The following COL4A2 variants were observed in gnomAD, a reference collection of about 807,000 sequenced individuals.
COL4A2 encodes collagen alpha-2(IV) chain.
A neutral mutation model predicts 200.2 loss-of-function variants in COL4A2; 99 were observed. The ratio of observed to expected loss-of-function variants is 0.49; its 90% CI spans 0.42 to 0.58. The LOEUF is 0.58. Among genes scored for constraint, COL4A2 ranks in the 20% least tolerant of loss-of-function variants. COL4A2 has a pLI of 0.00. For missense variants in COL4A2, 1,950 were observed against 2,314.1 expected (o/e 0.84, Z 3.23); for synonymous variants, 897 against 900.6 (o/e 1.00, Z 0.07).
chr13:110,448,034 G>A (rs1881395898), intron 18 of COL4A2, among the ~76,000 whole-genome samples: 1 of 152,172 alleles, frequency 6.6e-6, no homozygotes, highest in Non-Finnish European at 1.5e-5. Context: ...GTGGAGCCGT[G>A]AATGGGGATA....
chr13:110,457,519 A>G (rs755659963), intron 21 of COL4A2, 84 bp downstream of exon 21: 17 of 810,832 alleles, frequency 2.1e-5, no homozygotes, highest in African/African-American at 3.4e-5. Flanking sequence ...TCCATCCCCC[A>G]CTCACGTGTT....
At chr13:110,326,477 C>CA (rs148910562) in intron 3 of COL4A2, among the ~76,000 whole-genome samples, 2,660 of 152,242 alleles carry the variant, frequency 0.017, 36 homozygotes, top group Non-Finnish European at 0.025. Flanking sequence ...AAGTACTGCC[C>CA]AAAGTGTTTC....
rs367551920 is a variant in COL4A2, at chr13:110,457,414, C to T, written c.1411C>T (p.Arg471Cys). ...TGGGCTTCCCGGCTCCCCTGGAGCC[C>T]GCGGACCAAAGGGGTGGAAAGGTAA... ...FPGLPGSPGARGPKGWKGDAG... is the reference protein window; with the variant it reads ...FPGLPGSPGACGPKGWKGDAG... Residue 471 changes from arginine (R) to cysteine (C), a missense_variant, in exon 21 of 48, where the codon CGC becomes TGC. By Grantham distance (180) the Arg-to-Cys change is radical. Around this residue, in one of 2 missense-constraint regions of COL4A2, gnomAD observed 1,385 missense variants for 1,720.5 expected, o/e 0.80. Transcript: ENST00000360467. The T allele has an allele frequency of 6.2e-6, 10 of 1,608,378 alleles. No individual in the cohort carries two copies. Among genetic ancestry groups the T allele is most frequent in the South Asian group, 3.3e-5 (3 of 90,972 alleles).
chr13:110,499,000 G>C (rs148791153), intron 40 of COL4A2, among the ~76,000 whole-genome samples: 34 of 152,344 alleles, frequency 2.2e-4, no homozygotes, highest in Middle Eastern at 3.4e-3. Flanking sequence ...TGGAGGCCAG[G>C]GCAGACACTG....
chr13:110,468,359 A>G (rs1242542609), intron 27 of COL4A2: 3 of 470,586 alleles, frequency 6.4e-6, no homozygotes, highest in Non-Finnish European at 4.4e-6. Flanking sequence ...TCACTCATAC[A>G]GCAACCCCCA....
chr13:110,486,014 G>A (rs929524616), intron 34 of COL4A2, among the ~76,000 whole-genome samples, 178 bp downstream of exon 34: 1 of 152,234 alleles, frequency 6.6e-6, no homozygotes, highest in African/African-American at 2.4e-5. Flanking sequence ...TGGACACCAT[G>A]CAGATGTGAT....
chr13:110,432,021 G>A (rs1340858394), intron 10 of COL4A2, among the ~76,000 whole-genome samples: 2 of 152,142 alleles, frequency 1.3e-5, no homozygotes, highest in Admixed American at 6.5e-5. Context: ...ACAGGGCCTG[G>A]GACCTTGCAA....
chr13:110,310,741 C>T (rs982589534), intron 3 of COL4A2, among the ~76,000 whole-genome samples: 3 of 152,124 alleles, frequency 2.0e-5, no homozygotes, highest in Admixed American at 6.5e-5. Context: ...TGTTTTGTTT[C>T]GGAAGCAGCT....
intron 3 of COL4A2, among the ~76,000 whole-genome samples, chr13:110,327,431 C>T (rs760533426): frequency 2.6e-5 from 4 of 152,350 alleles, no homozygotes; most frequent in Middle Eastern, 3.4e-3. Context: ...GTGATATCAC[C>T]TCCACCACCC....
At chr13:110,504,954 C>T (rs947966991) in intron 45 of COL4A2, among the ~76,000 whole-genome samples, 1 of 151,402 alleles carries the variant, frequency 6.6e-6, no homozygotes, top group South Asian at 2.1e-4. Flanking sequence ...TGAAATAGGC[C>T]AGGAATAACA....
chr13:110,485,635 A>G lies in COL4A2; in HGVS notation c.3026-20A>G. ...TGCTGCGTCCTCACCAGAGTGTTAC[A>G]CACCAGGGTCTTCCTGCAGGTATCC... On this transcript the variant is annotated intron_variant, in intron 33 of 47. Coordinates refer to ENST00000360467, the MANE Select transcript of COL4A2 (RefSeq NM_001846.4). 1.3e-6 allele frequency: 2 copies of G among 1,577,924 alleles called. No individual in the cohort carries two copies. The highest frequency in any genetic ancestry group is 1.7e-6 in the Non-Finnish European group (2 of 1,164,058).
intron 3 of COL4A2, among the ~76,000 whole-genome samples, chr13:110,351,054 A>C (rs534868528): frequency 1.3e-5 from 2 of 149,904 alleles, no homozygotes; most frequent in African/African-American, 4.9e-5. Flanking sequence ...CTTTATTTTT[A>C]TTTTTTCTTT....
intron 4 of COL4A2, among the ~76,000 whole-genome samples, chr13:110,397,771 C>G (rs1236006256): frequency 6.6e-6 from 1 of 152,184 alleles, no homozygotes; most frequent in Non-Finnish European, 1.5e-5. Flanking sequence ...GAGAAAGAAT[C>G]AGCTCTGTGT....
chr13:110,391,065 C>T (rs1878967550), intron 4 of COL4A2, among the ~76,000 whole-genome samples: 1 of 152,104 alleles, frequency 6.6e-6, no homozygotes, highest in African/African-American at 2.4e-5. Context: ...TACGATACTC[C>T]CTCATTCATG....
rs1422754167 is a variant in COL4A2, at chr13:110,510,671, ATG to A, written c.4882-1256_4882-1255del. ...TTGTGTGTGTGCATGAGTGTACACC[ATG>A]TGTGTGCATGTGTGCATGTATGCAT... On this transcript the variant is annotated intron_variant, in intron 47 of 47. Transcript: ENST00000360467. Among the ~76,000 whole-genome samples the A allele has an allele frequency of 2.6e-5, 4 of 152,256 alleles. No homozygotes were observed. In the South Asian group the frequency reaches 6.2e-4, roughly 24 times the overall value.
chr13:110,367,174 C>T (rs1013980841), intron 4 of COL4A2, among the ~76,000 whole-genome samples: 1 of 152,296 alleles, frequency 6.6e-6, no homozygotes, highest in East Asian at 1.9e-4. Flanking sequence ...GTGAAAAATC[C>T]CCACCGTAGG....
At chr13:110,493,707 C>G (rs1307010395) in intron 39 of COL4A2, among the ~76,000 whole-genome samples, 1 of 152,176 alleles carries the variant, frequency 6.6e-6, no homozygotes, top group Non-Finnish European at 1.5e-5. Flanking sequence ...AGTTCTGATG[C>G]TGGAGACAGT....
At position 110,371,757 on chromosome 13, in the gene COL4A2, G is replaced by T. The variant is rs189045886; in HGVS notation, c.180+14205G>T. Among the ~76,000 whole-genome samples the T allele has an allele frequency of 7.6e-3, 1,163 of 152,200 alleles. 6 individuals are homozygous for T. Among genetic ancestry groups the T allele is most frequent in the Non-Finnish European group, 9.8e-3 (664 of 68,002 alleles). On this transcript the variant is annotated intron_variant, in intron 4 of 47. Transcript: ENST00000360467. ...CATAGTGTAGGGCGGGCGGCGGGCC[G>T]TCTGGGATATGGGAAAGCCTGGGGC...
intron 19 of COL4A2, 24 bp downstream of exon 19, chr13:110,449,813 C>T: frequency 6.5e-7 from 1 of 1,543,426 alleles, no homozygotes; most frequent in South Asian, 1.2e-5. Flanking sequence ...ATAATATCAA[C>T]ACCGGAGACC....
Sources: allele counts gnomAD v4.1 joint callset (sites outside exome capture counted in the v4.1 genomes callset), GRCh38; gene constraint gnomAD v4.1.1; regional missense constraint gnomAD v4.1.1; transcripts MANE v1.5; gene names NCBI Gene and HGNC (gene_info 2026-07-23, HGNC 2026-07-21).